Variants in CWF19L2 observed in about 807,000 individuals in gnomAD.
The protein encoded by CWF19L2 is CWF19 like cell cycle control factor 2, also known as CWF19-like protein 2.
CWF19L2 carries 98 observed loss-of-function variants against 111.7 expected under a neutral mutation model. That is an observed-to-expected ratio of 0.88 (90% CI 0.75 to 1.04). The LOEUF is 1.04. Among genes scored for constraint, CWF19L2 ranks in the 50% least tolerant of loss-of-function variants. The pLI, the probability that CWF19L2 is intolerant of heterozygous loss-of-function variation, is 0.00. For missense variants in CWF19L2, 1,101 were observed against 1,051.4 expected (o/e 1.05, Z -0.65); for synonymous variants, 351 against 342.9 (o/e 1.02, Z -0.26).
Position 107,442,993 on chromosome 11 carries a change from T to C in CWF19L2, c.396A>G (p.Lys132=). 1 of 1,551,398 alleles carries C rather than the reference T, an allele frequency of 6.4e-7. No individual in the cohort carries two copies. The highest frequency in any genetic ancestry group is 8.7e-7 in the Non-Finnish European group (1 of 1,146,496). The stretch of plus-strand genomic sequence containing the variant: ...ACTTTTCATCTTTCACTTTCCAGGC[T>C]TTTTCCTTGTCAGGAGTCTGGGATG... ...AVPSQTPDKE[K]AWKVKDEKSG... is the part of the protein sequence containing the mutation. The change falls in exon 4 of 18, where the codon AAA becomes AAG. Residue 132 remains lysine, a synonymous_variant. Transcript: ENST00000282251.
chr11:107,360,471 A>G (rs1211845037), intron 12 of CWF19L2, among the ~76,000 whole-genome samples: 1 of 152,124 alleles, frequency 6.6e-6, no homozygotes, highest in Non-Finnish European at 1.5e-5. Flanking sequence ...TTTTATAATG[A>G]TTTATTTCCC....
chr11:107,398,627 A>C (rs997051182), intron 10 of CWF19L2, among the ~76,000 whole-genome samples: 2 of 152,234 alleles, frequency 1.3e-5, no homozygotes, highest in African/African-American at 4.8e-5. Flanking sequence ...ATAATCAAGG[A>C]AAACTTTCCC....
At position 107,326,725 on chromosome 11, in the gene CWF19L2, C is replaced by G; in HGVS notation, c.*185G>C. 2.2e-6 allele frequency: 1 copy of G among 457,130 alleles called. No individual in the cohort carries two copies. Among genetic ancestry groups the G allele is most frequent in the Non-Finnish European group, 3.8e-6 (1 of 260,154 alleles). 28.3% of individuals were successfully genotyped at this position (457,130 alleles called of 1,614,324 possible). A position where few individuals can be genotyped will look rare whatever the true frequency, so the allele number is the denominator to read the frequency against. ...TACTCCATGGTGACTAAAATGAAGTCCATAGATAGGAGCAGGTGAAGAAGA... is the reference window on the plus strand; with the variant it reads ...TACTCCATGGTGACTAAAATGAAGTGCATAGATAGGAGCAGGTGAAGAAGA... On this transcript the variant is annotated 3_prime_UTR_variant, in exon 18 of 18. Transcript: ENST00000282251.
intron 3 of CWF19L2, among the ~76,000 whole-genome samples, chr11:107,448,010 T>A (rs1290495279): frequency 2.7e-5 from 4 of 150,314 alleles, no homozygotes; most frequent in Non-Finnish European, 3.0e-5. Context: ...GAAATGAAAA[T>A]GTCACTGGAT....
intron 3 of CWF19L2, among the ~76,000 whole-genome samples, chr11:107,453,427 GA>G (rs1175115398): frequency 6.6e-6 from 1 of 152,028 alleles, no homozygotes; most frequent in African/African-American, 2.4e-5. Context: ...TGCTTGAGGA[GA>G]GGAGAGAGAA....
At chr11:107,397,124 G>C (rs1263551092) in intron 10 of CWF19L2, among the ~76,000 whole-genome samples, 3 of 152,136 alleles carry the variant, frequency 2.0e-5, no homozygotes, top group African/African-American at 7.2e-5. Context: ...GAATTATCTA[G>C]CGGAACTTTG....
At chr11:107,455,052 CA>C (rs1861834271) in intron 2 of CWF19L2, among the ~76,000 whole-genome samples, 1 of 152,048 alleles carries the variant, frequency 6.6e-6, no homozygotes, top group Non-Finnish European at 1.5e-5. Context: ...AGATGTTGAT[CA>C]AAGGGTACAA....
intron 12 of CWF19L2, among the ~76,000 whole-genome samples, chr11:107,379,350 G>C (rs1051175255): frequency 1.3e-5 from 2 of 152,206 alleles, no homozygotes; most frequent in East Asian, 3.8e-4. Context: ...GTTGCTATTG[G>C]TATTTGCTGG....
At chr11:107,440,171 T>C (rs1328248265) in intron 5 of CWF19L2, among the ~76,000 whole-genome samples, 1 of 152,066 alleles carries the variant, frequency 6.6e-6, no homozygotes, top group African/African-American at 2.4e-5. Context: ...GCTAAAGAAC[T>C]ACATACTAAT....
chr11:107,403,734 C>A (rs1298500377), intron 10 of CWF19L2: 4 of 865,872 alleles, frequency 4.6e-6, no homozygotes, highest in Admixed American at 3.4e-5. Context: ...TCCCTTTCCT[C>A]CTGCTTTTTG....
chr11:107,331,084 T>C (rs1859843277), intron 16 of CWF19L2, among the ~76,000 whole-genome samples: 1 of 152,216 alleles, frequency 6.6e-6, no homozygotes, highest in African/African-American at 2.4e-5. Context: ...GTATATAACA[T>C]TAAATATGGA....
At chr11:107,354,370 T>C (rs1304839651) in intron 12 of CWF19L2, among the ~76,000 whole-genome samples, 1 of 152,166 alleles carries the variant, frequency 6.6e-6, no homozygotes, top group African/African-American at 2.4e-5. Flanking sequence ...TAAAGTTCTA[T>C]CTCCTGTGTG....
At chr11:107,433,196 G>C (rs960359280) in intron 7 of CWF19L2, among the ~76,000 whole-genome samples, 4 of 151,938 alleles carry the variant, frequency 2.6e-5, no homozygotes, top group African/African-American at 9.7e-5. Flanking sequence ...CAGAACGATG[G>C]GGAAACTGGT....
At position 107,336,441 on chromosome 11, in the gene CWF19L2, T is replaced by G. The variant is rs934476358; in HGVS notation, c.2358+117A>C. 17 of 840,104 alleles carry G rather than the reference T, an allele frequency of 2.0e-5. No individual in the cohort carries two copies. In the South Asian group the frequency reaches 3.2e-4, roughly 16 times the overall value. The allele number at this position is 840,104 out of a possible 1,614,324, so 52.0% of individuals were successfully genotyped here. A position where few individuals can be genotyped will look rare whatever the true frequency, so the allele number is the denominator to read the frequency against. On this transcript the variant is annotated intron_variant, in intron 15 of 17. Coordinates refer to ENST00000282251, the MANE Select transcript of CWF19L2 (RefSeq NM_152434.3). ...ACTGTGCCCGGCCTATTTCATTTCTTTATATAAATTTTGATGTAAGTATAT... is the reference window on the plus strand; with the variant it reads ...ACTGTGCCCGGCCTATTTCATTTCTGTATATAAATTTTGATGTAAGTATAT...
At chr11:107,359,396 C>G (rs2134553487) in intron 12 of CWF19L2, among the ~76,000 whole-genome samples, 1 of 152,278 alleles carries the variant, frequency 6.6e-6, no homozygotes, top group East Asian at 1.9e-4. Context: ...CAAGTACCAG[C>G]CAGGTGACTA....
intron 8 of CWF19L2, among the ~76,000 whole-genome samples, chr11:107,426,346 G>A (rs1039297464): frequency 6.6e-6 from 1 of 151,864 alleles, no homozygotes; most frequent in African/African-American, 2.4e-5. Flanking sequence ...AATACTATCA[G>A]CAAGAAGTAG....
At chr11:107,382,422 T>C (rs1310030121) in intron 12 of CWF19L2, among the ~76,000 whole-genome samples, 2 of 152,180 alleles carry the variant, frequency 1.3e-5, no homozygotes, top group Admixed American at 1.3e-4. Flanking sequence ...TTGCGTTAAG[T>C]CATTTAATTC....
At chr11:107,333,054 T>G (rs1859872655) in intron 16 of CWF19L2, among the ~76,000 whole-genome samples, 2 of 148,200 alleles carry the variant, frequency 1.3e-5, no homozygotes, top group Non-Finnish European at 1.5e-5. Context: ...GGAGGTGGAG[T>G]GATCGTCACT....
chr11:107,341,409 G>T lies in CWF19L2; in HGVS notation c.2203-4696C>A, dbSNP rs142756192. ...TTATAATGATTTATTATCTAATATT[G>T]AACCAGTCTTTCATACTTGGTATAA... On this transcript the variant is annotated intron_variant, in intron 14 of 17. Coordinates refer to ENST00000282251, the MANE Select transcript of CWF19L2 (RefSeq NM_152434.3). Among the ~76,000 whole-genome samples the T allele has an allele frequency of 4.5e-3, 680 of 152,244 alleles. 5 individuals carry two copies. Among genetic ancestry groups the T allele is most frequent in the Non-Finnish European group, 7.5e-3 (507 of 68,000 alleles).
Sources: gnomAD v4.1 joint callset for allele counts (sites outside exome capture counted in the v4.1 genomes callset) on GRCh38, gnomAD v4.1.1 for gene constraint, MANE v1.5 for transcripts, NCBI Gene and HGNC (gene_info 2026-07-23, HGNC 2026-07-21) for gene names.